The following TPO variants were observed in gnomAD, a reference collection of about 807,000 sequenced individuals.
TPO encodes thyroid microsomal antigen.
Under a neutral mutation model 96.9 loss-of-function variants are expected in TPO, and 78 were observed. The ratio of observed to expected loss-of-function variants is 0.81; its 90% CI spans 0.67 to 0.97. The LOEUF (loss-of-function observed/expected upper bound fraction) is 0.97. Among genes scored for constraint, TPO ranks in the 50% least tolerant of loss-of-function variants. TPO has a pLI of 0.00. For missense variants in TPO, 1,252 were observed against 1,274.8 expected (o/e 0.98, Z 0.27); for synonymous variants, 547 against 538.0 (o/e 1.02, Z -0.23).
At chr2:1,484,917 T>A (rs547367758) in intron 9 of TPO, 63 bp downstream of exon 9, 139 of 1,593,910 alleles carry the variant, frequency 8.7e-5, no homozygotes, top group Middle Eastern at 2.3e-4. Flanking sequence ...TTAATTTTTT[T>A]AAATTATATT....
At chr2:1,532,397 C>A (rs2125254929) in intron 15 of TPO, among the ~76,000 whole-genome samples, 1 of 112,842 alleles carries the variant, frequency 8.9e-6, no homozygotes, top group Non-Finnish European at 1.8e-5. Flanking sequence ...AATCCCCCAC[C>A]ACTGTGAGCA....
At chr2:1,523,643 A>AC (rs1254028132) in intron 15 of TPO, among the ~76,000 whole-genome samples, 2 of 15,790 alleles carry the variant, frequency 1.3e-4, no homozygotes, top group Non-Finnish European at 2.4e-4. Context: ...TCCTCAAATC[A>AC]CCCCCCACTG....
chr2:1,464,381 TATA>T (rs1449978161), intron 7 of TPO, among the ~76,000 whole-genome samples: 1 of 152,234 alleles, frequency 6.6e-6, no homozygotes. Flanking sequence ...GCATTTTTCG[TATA>T]ATGACTTCTT....
intron 14 of TPO, among the ~76,000 whole-genome samples, chr2:1,509,128 T>C (rs1381306587): frequency 6.6e-6 from 1 of 152,254 alleles, no homozygotes; most frequent in Non-Finnish European, 1.5e-5. Flanking sequence ...TATTTCTGCC[T>C]TCATTTTGTT....
At chr2:1,424,132 C>A (rs1664079467) in intron 3 of TPO, among the ~76,000 whole-genome samples, 1 of 152,162 alleles carries the variant, frequency 6.6e-6, no homozygotes, top group Non-Finnish European at 1.5e-5. Context: ...GCACAGCTTG[C>A]TTTTACACAT....
chr2:1,388,988 G>T (rs973902036), intron 1 of TPO, among the ~76,000 whole-genome samples: 1 of 152,184 alleles, frequency 6.6e-6, no homozygotes, highest in African/African-American at 2.4e-5. Context: ...ATACATTCTT[G>T]TTCTAAATAA....
chr2:1,542,777 G>GAGA lies in TPO; in HGVS notation c.*303_*304insAGA. On this transcript the variant is annotated 3_prime_UTR_variant, in exon 17 of 17. Coordinates refer to ENST00000329066, the MANE Select transcript of TPO (RefSeq NM_001206744.2). Reference sequence around the variant, plus strand: ...GAAACACCACTCTTGCAATCCTCCTGTCTCCACCTTCTGGCATCTCTGATG... The same window carrying GAGA: ...GAAACACCACTCTTGCAATCCTCCTGAGATCTCCACCTTCTGGCATCTCTGATG... 1 of 674,946 alleles carries GAGA rather than the reference G, an allele frequency of 1.5e-6. No individual in the cohort carries two copies. Among genetic ancestry groups the GAGA allele is most frequent in the Non-Finnish European group, 2.3e-6 (1 of 427,150 alleles). The allele number at this position is 674,946 out of a possible 1,614,324, so 41.8% of individuals were successfully genotyped here.
chr2:1,427,651 G>A (rs1348071511), intron 3 of TPO, among the ~76,000 whole-genome samples: 1 of 152,220 alleles, frequency 6.6e-6, no homozygotes, highest in Non-Finnish European at 1.5e-5. Context: ...TTTCGGCATG[G>A]ACAGAAGAAG....
intron 6 of TPO, 63 bp from the exon 7 acceptor site, chr2:1,456,013 G>A: frequency 2.0e-6 from 3 of 1,525,320 alleles, no homozygotes; most frequent in African/African-American, 1.4e-5. Flanking sequence ...TGATCCCAAA[G>A]GGTCATCTTT....
chr2:1,442,730 T>A (rs1308580350), intron 5 of TPO, among the ~76,000 whole-genome samples: 1 of 152,218 alleles, frequency 6.6e-6, no homozygotes, highest in Admixed American at 6.5e-5. Context: ...GTTTCTCAAA[T>A]TCTCTGCACC....
intron 7 of TPO, among the ~76,000 whole-genome samples, chr2:1,460,039 G>A (rs568093252): frequency 3.7e-4 from 56 of 151,622 alleles, no homozygotes; most frequent in Middle Eastern, 3.4e-3. Context: ...GGATATAAGC[G>A]ATTCTCCTGC....
At chr2:1,402,377 G>A (rs749046067) in intron 1 of TPO, among the ~76,000 whole-genome samples, 22 of 152,246 alleles carry the variant, frequency 1.4e-4, no homozygotes, top group African/African-American at 4.1e-4. Context: ...TCCAGACCCC[G>A]AAGGACCTGC....
intron 15 of TPO, among the ~76,000 whole-genome samples, chr2:1,528,743 C>A (rs7369446): frequency 0.51 from 59,355 of 116,062 alleles, 16,008 homozygotes; most frequent in Admixed American, 0.54. Flanking sequence ...CTCCCCAAAT[C>A]CCCCACACTG....
intron 15 of TPO, among the ~76,000 whole-genome samples, chr2:1,526,053 T>TC (rs1166955081): frequency 4.5e-5 from 2 of 44,390 alleles, no homozygotes; most frequent in Non-Finnish European, 8.3e-5. Flanking sequence ...CCTCCCCAAA[T>TC]CCCCCCACTG....
Position 1,496,020 on chromosome 2 carries a change from G to T in TPO, c.2038G>T (p.Asp680Tyr). 5.0e-6 allele frequency: 8 copies of T among 1,613,422 alleles called. No homozygotes were observed. Among genetic ancestry groups the T allele is most frequent in the Non-Finnish European group, 6.8e-6 (8 of 1,180,000 alleles). The change falls in exon 12 of 17, where the codon GAT becomes TAT. Residue 680 changes from aspartate (D) to tyrosine (Y), a missense_variant. Asp to Tyr is a radical substitution (Grantham distance 160). Transcript: ENST00000329066. ...GTGGGAGAACAGCCACGTCTTCACG[G>T]ATGCACAGAGGCGTGAGCTGGAGAA... is the stretch of plus-strand genomic sequence containing the variant. ...FWWENSHVFT[D>Y]AQRRELEKHS...
chr2:1,523,658 C>T (rs1675718697), intron 15 of TPO, among the ~76,000 whole-genome samples: 1 of 109,742 alleles, frequency 9.1e-6, no homozygotes, highest in South Asian at 3.6e-4. Context: ...CCACTGTGTT[C>T]AACCTCCTCG....
chr2:1,459,686 C>G (rs1005326362), intron 7 of TPO, among the ~76,000 whole-genome samples: 1 of 152,094 alleles, frequency 6.6e-6, no homozygotes, highest in Non-Finnish European at 1.5e-5. Context: ...ATCAAGACAT[C>G]TAAACAAAAT....
intron 8 of TPO, among the ~76,000 whole-genome samples, chr2:1,481,580 G>A (rs1670645534): frequency 1.3e-5 from 2 of 152,194 alleles, no homozygotes; most frequent in African/African-American, 4.8e-5. Context: ...TCCCGGGCAG[G>A]CAGATCCATG....
intron 1 of TPO, among the ~76,000 whole-genome samples, chr2:1,379,278 C>G (rs1416421563): frequency 6.7e-6 from 1 of 148,752 alleles, no homozygotes; most frequent in Non-Finnish European, 1.5e-5. Flanking sequence ...GCACTCCAGT[C>G]TGGGTGACAG....
Sources: gnomAD v4.1 joint callset for allele counts (sites outside exome capture counted in the v4.1 genomes callset) on GRCh38, gnomAD v4.1.1 for gene constraint, MANE v1.5 for transcripts, NCBI Gene and HGNC (gene_info 2026-07-23, HGNC 2026-07-21) for gene names.